ABCA7: variants seen among roughly 807,000 people sequenced by gnomAD.
The protein encoded by ABCA7 is ATP binding cassette subfamily A member 7.
ABCA7 carries 261 observed loss-of-function variants against 227.6 expected under a neutral mutation model. The ratio of observed to expected loss-of-function variants is 1.15; its 90% CI spans 1.04 to 1.27. ABCA7 has a LOEUF of 1.27. Ranked by LOEUF, ABCA7 falls within the 50% of genes most tolerant of loss-of-function variation. The pLI is 0.00. For synonymous variants in ABCA7, 1,488 were observed against 1,279.7 expected (o/e 1.16, Z -3.47); for missense variants, 3,331 against 2,924.5 (o/e 1.14, Z -3.21).
chr19:1,043,221 C>A lies in ABCA7; in HGVS notation c.760C>A (p.Pro254Thr). The change falls in exon 8 of 47, where the codon CCA becomes ACA. Residue 254 changes from proline to threonine, a missense_variant. Physicochemically the swap from Pro to Thr is conservative, Grantham distance 38. Transcript: ENST00000263094. ...CCTGATGGAGCTGGTGGGGCAGGAG[C>A]CAGAATCCGCCCTGCCAGACAGCAG... ...SDLMELVGQE[P>T]ESALPDSSLS... 2 of 1,607,494 alleles carry A rather than the reference C, an allele frequency of 1.2e-6. No homozygotes were observed. Among genetic ancestry groups the A allele is most frequent in the Non-Finnish European group, 1.7e-6 (2 of 1,175,672 alleles).
intron 18 of ABCA7, among the ~76,000 whole-genome samples, chr19:1,050,457 G>A (rs1599634392): frequency 6.9e-6 from 1 of 144,732 alleles, no homozygotes; most frequent in South Asian, 2.3e-4. Flanking sequence ...GCTATCACAG[G>A]GTTTTGGATG....
chr19:1,040,363 C>T (rs990192801), intron 1 of ABCA7, among the ~76,000 whole-genome samples, 167 bp downstream of exon 1: 1 of 152,202 alleles, frequency 6.6e-6, no homozygotes. Context: ...GGGCATCGGA[C>T]ATCTGGGACC....
Position 1,041,259 on chromosome 19 carries a change from A to T in ABCA7, c.-103A>T. The T allele has an allele frequency of 8.6e-7, 1 of 1,160,006 alleles. No homozygotes were observed. The highest frequency in any genetic ancestry group is 1.2e-5 in the South Asian group (1 of 82,022). 71.9% of individuals were successfully genotyped at this position (1,160,006 alleles called of 1,614,324 possible). A position where few individuals can be genotyped will look rare whatever the true frequency, so the allele number is the denominator to read the frequency against. On this transcript the variant is annotated 5_prime_UTR_variant, in exon 2 of 47. The change abolishes an upstream ATG in the 5' untranslated region. Transcript: ENST00000263094. ...GAACCCTGCGCTGTGGGATAAAGGA[A>T]TGAGGTTCAGAAAGGGGCAGGGAGT...
In ABCA7 at chr19:1,064,268, C is replaced by T. The variant is rs1021125169; in HGVS notation, c.6044+15C>T. On this transcript the variant is annotated intron_variant, in intron 45 of 46. Transcript: ENST00000263094. The stretch of plus-strand genomic sequence containing the variant: ...CTCAAGGGCAGGTGAGCCGGCGCGG[C>T]CTCCAGGCAGGTGTGGGGTGAGGGT... 6.5e-7 allele frequency: 1 copy of T among 1,547,110 alleles called. No individual in the cohort carries two copies. The highest frequency in any genetic ancestry group is 1.4e-5 in the African/African-American group (1 of 73,240).
chr19:1,059,526 G>C (rs1176864406), intron 40 of ABCA7, among the ~76,000 whole-genome samples: 1 of 140,146 alleles, frequency 7.1e-6, no homozygotes, highest in African/African-American at 2.7e-5. Flanking sequence ...CAGCCTCCCA[G>C]AGTGCTGGGA....
rs151138090 is a variant in ABCA7 at position 1,052,315 on chromosome 19, G to A, written c.3220+29G>A. ...AGGGCCGGGGTGGGAGACCCAAGGC[G>A]GGTGGGCAGTGGGGTGGCTGTGCCT... On this transcript the variant is annotated intron_variant, in intron 23 of 46. Coordinates refer to ENST00000263094, the MANE Select transcript of ABCA7 (RefSeq NM_019112.4). 1.7e-3 allele frequency: 2,611 copies of A among 1,531,298 alleles called. 32 individuals carry two copies. The East Asian group carries it at 0.024, about 14-fold the overall frequency. The allele number at this position is 1,531,298 out of a possible 1,614,324, so 94.9% of individuals were successfully genotyped here. A position where few individuals can be genotyped will look rare whatever the true frequency, so the allele number is the denominator to read the frequency against.
At position 1,057,995 on chromosome 19, in the gene ABCA7, T is replaced by G; in HGVS notation, c.4961T>G (p.Ile1654Arg). The stretch of plus-strand genomic sequence containing the variant: ...ACAGCCTATGTGGTGCTCACCTGCA[T>G]AAACCTCTTTATTGGCATCAATGGA... ...PSTAYVVLTC[I>R]NLFIGINGSM... The change falls in exon 36 of 47, where the codon ATA (isoleucine) becomes AGA (arginine). Residue 1654 changes from isoleucine (I) to arginine (R), a missense_variant. Ile to Arg is a moderately conservative substitution (Grantham distance 97). Coordinates refer to ENST00000263094, the MANE Select transcript of ABCA7 (RefSeq NM_019112.4). 6.2e-7 allele frequency: 1 copy of G among 1,614,084 alleles called. No homozygotes were observed. The highest frequency in any genetic ancestry group is 8.5e-7 in the Non-Finnish European group (1 of 1,180,022).
At chr19:1,050,390 C>CAACAGAGTGAGACTCTGTCACAAAAA (rs2041451607) in intron 18 of ABCA7, among the ~76,000 whole-genome samples, 1 of 144,752 alleles carries the variant, frequency 6.9e-6, no homozygotes, top group Non-Finnish European at 1.5e-5. Flanking sequence ...CCAGCCTGGG[C>CAACAGAGTGAGACTCTGTCACAAAAA]AACAGAGTGA....
In ABCA7 at chr19:1,056,044, C is replaced by T. The variant is rs1167694190; in HGVS notation, c.4239-22C>T. On this transcript the variant is annotated intron_variant, in intron 31 of 46. Transcript: ENST00000263094. This position sits in a 1 kb window ranked among gnomAD's most constrained non-coding sequence, Gnocchi z 4.3. ...GCCCCCCCGGCCCTCAGCTCCCCTTCCCTGCCTGCATGGCCCCACAGATAC... is the reference window on the plus strand; with the variant it reads ...GCCCCCCCGGCCCTCAGCTCCCCTTTCCTGCCTGCATGGCCCCACAGATAC... 9 of 1,567,224 alleles carry T rather than the reference C, an allele frequency of 5.7e-6. No individual in the cohort carries two copies. The highest frequency in any genetic ancestry group is 7.8e-6 in the Non-Finnish European group (9 of 1,152,522).
rs3752243 is a variant in ABCA7, at chr19:1,054,061, A to G, written c.3528A>G (p.Leu1176=). Residue 1176 remains leucine, a synonymous_variant, in exon 26 of 47, where the codon CTA becomes CTG. Coordinates refer to ENST00000263094, the MANE Select transcript of ABCA7 (RefSeq NM_019112.4). This position sits in a 1 kb window ranked among gnomAD's most constrained non-coding sequence, Gnocchi z 4.8. ...CTGIAGLDVT[L]RLKMPPQETA... is the part of the protein sequence containing the mutation. ...GCATTGCTGGCCTAGACGTAACCCT[A>G]CGGCTCAAGATGCCGCCACAGGAGA... 0.45 allele frequency: 729,842 copies of G among 1,612,964 alleles called. 169,800 individuals are homozygous for G. Among genetic ancestry groups the G allele is most frequent in the African/African-American group, 0.75 (55,870 of 74,954 alleles).
rs1568278454 is a variant in ABCA7, at chr19:1,047,328, C to T, written c.2017C>T (p.Leu673=). The T allele has an allele frequency of 1.9e-6, 3 of 1,597,194 alleles. No individual in the cohort carries two copies. The highest frequency in any genetic ancestry group is 1.1e-5 in the South Asian group (1 of 90,536). ...AYFSLYLPYV[L]CVAWRDRLPA... is the part of the protein sequence containing the mutation. ...CTTCTCCCTCTACCTGCCCTACGTG[C>T]TGTGTGTGGCTTGGCGGGACCGGCT... The change falls in exon 15 of 47, where the codon CTG becomes TTG. Residue 673 remains leucine (L), a synonymous_variant. Coordinates refer to ENST00000263094, the MANE Select transcript of ABCA7 (RefSeq NM_019112.4).
chr19:1,060,207 A>ATATATTT, intron 40 of ABCA7, among the ~76,000 whole-genome samples: 3 of 96,770 alleles, frequency 3.1e-5, no homozygotes, highest in African/African-American at 7.0e-5. Flanking sequence ...ATATATATAT[A>ATATATTT]TTTTTTTTTC....
At chr19:1,058,454 T>G (rs2042434020) in intron 37 of ABCA7, among the ~76,000 whole-genome samples, 164 bp from the exon 38 acceptor site, 1 of 152,078 alleles carries the variant, frequency 6.6e-6, no homozygotes, top group South Asian at 2.1e-4. Context: ...ATTCTTAGAT[T>G]ACATCACAAG....
intron 17 of ABCA7, 84 bp downstream of exon 17, chr19:1,049,089 A>T (rs1306503041): frequency 3.1e-6 from 3 of 966,410 alleles, no homozygotes; most frequent in Non-Finnish European, 4.7e-6. Context: ...TGCCAATGAC[A>T]ATGACCTGGA....
chr19:1,047,622 T>C lies in ABCA7; in HGVS notation c.2237T>C (p.Leu746Pro), dbSNP rs765904310. Residue 746 changes from leucine to proline, a missense_variant, in exon 16 of 47, where the codon CTC (leucine) becomes CCC (proline). Transcript: ENST00000263094. ...LLLLDAALYG[L>P]ATWYLEAVCP... ...CTGCTGGACGCGGCGCTCTACGGCC[T>C]CGCCACCTGGTACCTGGAAGCTGTG... The C allele has an allele frequency of 2.5e-6, 4 of 1,600,090 alleles. No individual in the cohort carries two copies. The highest frequency in any genetic ancestry group is 2.5e-6 in the Non-Finnish European group (3 of 1,177,954).
intron 40 of ABCA7, among the ~76,000 whole-genome samples, chr19:1,060,208 T>TATATATA (rs1555699222): frequency 0.022 from 2,581 of 118,620 alleles, 127 homozygotes; most frequent in African/African-American, 0.095. Context: ...TATATATATA[T>TATATATA]TTTTTTTTCT....
chr19:1,052,566 G>A (rs1457595837), intron 23 of ABCA7, among the ~76,000 whole-genome samples: 2 of 774 alleles, frequency 2.6e-3, no homozygotes, highest in African/African-American at 7.9e-3. Flanking sequence ...GGAGAAGAAG[G>A]GGAGGAGTAG....
In ABCA7 at chr19:1,062,921, A is replaced by G. The variant is rs2042761130; in HGVS notation, c.5712+608A>G. ...CACCCACACCATGGCCCCGCCCCAT[A>G]CTCATGCTGGCTCCACCCACACCAT... On this transcript the variant is annotated intron_variant, in intron 42 of 46. Coordinates refer to ENST00000263094, the MANE Select transcript of ABCA7 (RefSeq NM_019112.4). Among the ~76,000 whole-genome samples, 3 of 141,488 alleles carry G rather than the reference A, an allele frequency of 2.1e-5. No individual in the cohort carries two copies. The South Asian group carries it at 7.1e-4, about 34-fold the overall frequency. 92.8% of individuals were successfully genotyped at this position (141,488 alleles called of 152,430 possible).
Position 1,043,841 on chromosome 19 carries a change from G to A in ABCA7, c.1047G>A (p.Gln349=), listed in dbSNP as rs1338561989. The A allele has an allele frequency of 6.2e-7, 1 of 1,612,956 alleles. No individual in the cohort carries two copies. The highest frequency in any genetic ancestry group is 1.1e-5 in the South Asian group (1 of 91,064). Residue 349 remains glutamine, a splice_region_variant and synonymous_variant, in exon 10 of 47, where the codon CAG becomes CAA. Coordinates refer to ENST00000263094, the MANE Select transcript of ABCA7 (RefSeq NM_019112.4). ...ACAGTTCCAATGTGGCCATGCTGCA[G>A]GTGTGCGGGGGTGCTGGGGAGGTGG... ...MNDSSNVAML[Q]RLLQMQDEGR...
Sources: allele counts gnomAD v4.1 joint callset (sites outside exome capture counted in the v4.1 genomes callset), GRCh38; gene constraint gnomAD v4.1.1; non-coding constraint Gnocchi (gnomAD v3.1); transcripts MANE v1.5; gene names NCBI Gene and HGNC (gene_info 2026-07-23, HGNC 2026-07-21).